Variants in MACF1 observed in about 807,000 individuals in gnomAD.
The protein encoded by MACF1 is microtubule actin crosslinking factor 1, also known as microtubule-actin cross-linking factor 1.
MACF1 carries 193 observed loss-of-function variants against 854.8 expected under a neutral mutation model. The observed-to-expected ratio is 0.23, with a 90% CI of 0.20 to 0.25. The LOEUF (loss-of-function observed/expected upper bound fraction) is 0.25. Among genes scored for constraint, MACF1 ranks in the 10% least tolerant of loss-of-function variants. The pLI, the probability that MACF1 is intolerant of heterozygous loss-of-function variation, is 1.00. For missense variants in MACF1, 7,722 were observed against 8,929.1 expected (o/e 0.86, Z 5.45); for synonymous variants, 3,185 against 3,226.7 (o/e 0.99, Z 0.44).
intron 89 of MACF1, among the ~76,000 whole-genome samples, chr1:39,455,932 T>C (rs1301368213): frequency 2.0e-5 from 3 of 152,258 alleles, no homozygotes; most frequent in African/African-American, 7.2e-5. Flanking sequence ...CTTTTTAGTT[T>C]ATATAAACAA....
chr1:39,430,980 C>G lies in MACF1; in HGVS notation c.17337+72C>G. On this transcript the variant is annotated intron_variant, in intron 66 of 100. Coordinates refer to ENST00000564288, the MANE Select transcript of MACF1 (RefSeq NM_001394062.1). ...GTGTGAGATACAGTACTATGACCCA[C>G]ATAAATACAGACTCAGAAATAAGAA... The G allele has an allele frequency of 2.3e-6, 3 of 1,309,162 alleles. No individual in the cohort carries two copies. In the South Asian group the frequency reaches 3.6e-5, roughly 16 times the overall value. 81.1% of individuals were successfully genotyped at this position (1,309,162 alleles called of 1,614,324 possible).
intron 40 of MACF1, among the ~76,000 whole-genome samples, chr1:39,346,053 A>G (rs1020679768): frequency 6.1e-5 from 9 of 146,548 alleles, no homozygotes; most frequent in Middle Eastern, 3.5e-3. Flanking sequence ...TGGGCAACAG[A>G]GCAAGACTCT....
chr1:39,388,627 A>G lies in MACF1; in HGVS notation c.15785A>G (p.Glu5262Gly), dbSNP rs762775381. The G allele has an allele frequency of 1.3e-6, 2 of 1,581,972 alleles. No homozygotes were observed. The highest frequency in any genetic ancestry group is 1.2e-5 in the South Asian group (1 of 86,840). Residue 5262 changes from glutamate (E) to glycine (G), a missense_variant, in exon 58 of 101, where the codon GAA (glutamate) becomes GGA (glycine). Transcript: ENST00000564288. The part of the protein sequence containing the change: ...ALQWVVGTEV[E>G]IINQQLADFK... ...CAGTGGGTAGTGGGGACCGAAGTGG[A>G]AATCATCAACCAACAATTAGCAGAT...
At chr1:39,389,469 C>T (rs1641947852) in intron 58 of MACF1, among the ~76,000 whole-genome samples, 1 of 149,580 alleles carries the variant, frequency 6.7e-6, no homozygotes, top group African/African-American at 2.5e-5. Flanking sequence ...AAGTGATCCT[C>T]CTGCCTCAGC....
At position 39,254,313 on chromosome 1, in the gene MACF1, A is replaced by G; in HGVS notation, c.373A>G (p.Arg125Gly). 6.2e-7 allele frequency: 1 copy of G among 1,614,176 alleles called. No individual in the cohort carries two copies. The highest frequency in any genetic ancestry group is 8.5e-7 in the Non-Finnish European group (1 of 1,180,000). Reference protein sequence around the residue: ...DDDDVPREKGRMRFHRLQNVQ... With the variant: ...DDDDVPREKGGMRFHRLQNVQ... ...TTGTTTGCAGCCCCGGGAGAAGGGC[A>G]GGATGCGTTTTCATAGGCTGCAGAA... Residue 125 changes from arginine to glycine, a missense_variant, in exon 5 of 101, where the codon AGG becomes GGG. Arg to Gly is a moderately radical substitution (Grantham distance 125, BLOSUM62 -2). Coordinates refer to ENST00000564288, the MANE Select transcript of MACF1 (RefSeq NM_001394062.1).
chr1:39,274,145 T>G (rs982114468), intron 6 of MACF1, among the ~76,000 whole-genome samples: 1 of 152,110 alleles, frequency 6.6e-6, no homozygotes, highest in Non-Finnish European at 1.5e-5. Flanking sequence ...TAGGGACTTA[T>G]TATACTATTC....
At chr1:39,104,874 ATC>A (rs1043475720) in intron 2 of MACF1, among the ~76,000 whole-genome samples, 2 of 152,078 alleles carry the variant, frequency 1.3e-5, no homozygotes, top group Non-Finnish European at 2.9e-5. Context: ...TAGCCCTGGG[ATC>A]TGAGGCATCG....
At chr1:39,244,096 A>T (rs957644808) in intron 2 of MACF1, among the ~76,000 whole-genome samples, 2 of 151,004 alleles carry the variant, frequency 1.3e-5, no homozygotes, top group Admixed American at 6.6e-5. Flanking sequence ...TTATTTATTT[A>T]TTTTTTATTA....
chr1:39,133,188 G>C (rs572002971), intron 2 of MACF1, among the ~76,000 whole-genome samples: 1 of 152,166 alleles, frequency 6.6e-6, no homozygotes, highest in Admixed American at 6.5e-5. Flanking sequence ...CTCACTAGCC[G>C]ACTTGGCTGC....
chr1:39,150,030 C>CT (rs560369211), intron 2 of MACF1, among the ~76,000 whole-genome samples: 275 of 146,308 alleles, frequency 1.9e-3, no homozygotes, highest in Middle Eastern at 7.2e-3. Flanking sequence ...ATATCATGAA[C>CT]TTTTTTTTTT....
At chr1:39,225,434 T>G (rs2148296261) in intron 1 of MACF1, among the ~76,000 whole-genome samples, 1 of 151,946 alleles carries the variant, frequency 6.6e-6, no homozygotes, top group South Asian at 2.1e-4. Context: ...GCCAGGATGG[T>G]CTCGATCTCC....
Position 39,285,324 on chromosome 1 carries a change from C to T in MACF1, c.1287C>T (p.Asn429=). The change falls in exon 13 of 101, where the codon AAC becomes AAT. Residue 429 remains asparagine (N), a synonymous_variant. Transcript: ENST00000564288. ...ERLELLLQIA[N]KIQNGALNCE... ...TGGAATTGCTGCTACAGATTGCAAA[C>T]AAAATCCAGAATGGTGCTTTGAACT... is the stretch of plus-strand genomic sequence containing the variant. 6.2e-7 allele frequency: 1 copy of T among 1,614,128 alleles called. No individual in the cohort carries two copies. The highest frequency in any genetic ancestry group is 8.5e-7 in the Non-Finnish European group (1 of 1,180,016).
rs765867887 is a variant in MACF1 at position 39,337,248 on chromosome 1, C to T, written c.10132C>T (p.Arg3378Trp). The change falls in exon 38 of 101, where the codon CGG becomes TGG. Residue 3378 changes from arginine (R) to tryptophan (W), a missense_variant. Arg to Trp is a moderately radical substitution (Grantham distance 101). This residue lies in a region of MACF1 where 854 missense variants were observed against 852.6 expected (regional missense o/e 1.00). Coordinates refer to ENST00000564288, the MANE Select transcript of MACF1 (RefSeq NM_001394062.1). The stretch of plus-strand genomic sequence containing the variant: ...GCTAGTATCCTATCTGTCTCTGTTA[C>T]GGAACATTGAAATGAGGACCAAACA... ...EKLVSYLSLL[R>W]NIEMRTKQIQ... 1.9e-5 allele frequency: 31 copies of T among 1,613,894 alleles called. No individual in the cohort carries two copies. Among genetic ancestry groups the T allele is most frequent in the East Asian group, 6.7e-5 (3 of 44,884 alleles).
At position 39,334,050 on chromosome 1, in the gene MACF1, C is replaced by G; in HGVS notation, c.7462C>G (p.Leu2488Val). ...AGTTGTGCAGTCCATTGACAGAGGT[C>G]TTTTGGAGAGAGAGGAGGCCGTTCG... is the stretch of plus-strand genomic sequence containing the variant. ...LTVVQSIDRG[L>V]LEREEAVRLL... is the part of the protein sequence containing the mutation. Residue 2488 changes from leucine to valine, a missense_variant, in exon 37 of 101, where the codon CTT becomes GTT. Physicochemically the swap from Leu to Val is conservative, Grantham distance 32. This residue lies in a region of MACF1 where 1,531 missense variants were observed against 1,601.6 expected (regional missense o/e 0.96). Transcript: ENST00000564288. 1.2e-6 allele frequency: 2 copies of G among 1,614,110 alleles called. No homozygotes were observed. The highest frequency in any genetic ancestry group is 1.7e-6 in the Non-Finnish European group (2 of 1,180,010).
intron 85 of MACF1, 62 bp from the exon 86 acceptor site, chr1:39,452,094 C>T: frequency 7.6e-7 from 1 of 1,324,270 alleles, no homozygotes; most frequent in Non-Finnish European, 1.0e-6. Flanking sequence ...TATTATTTCC[C>T]AGTGGTTTCT....
chr1:39,128,896 T>C (rs866527524), intron 2 of MACF1, among the ~76,000 whole-genome samples: 16 of 152,218 alleles, frequency 1.1e-4, no homozygotes, highest in African/African-American at 3.9e-4. Context: ...CAGTTGACCA[T>C]GAAATGCCGT....
Position 39,353,048 on chromosome 1 carries a change from C to T in MACF1, c.11241C>T (p.Ile3747=), listed in dbSNP as rs760280713. ...AACTGGCAGAGAACAAGAAGAAGAT[C>T]GATGCTCTCCTGGATTGGGTAACTT... ...AKELAENKKK[I]DALLDWVTSV... The change falls in exon 44 of 101, where the codon ATC becomes ATT. Residue 3747 remains isoleucine, a synonymous_variant. Coordinates refer to ENST00000564288, the MANE Select transcript of MACF1 (RefSeq NM_001394062.1). 2 of 1,613,954 alleles carry T rather than the reference C, an allele frequency of 1.2e-6. No homozygotes were observed. The highest frequency in any genetic ancestry group is 4.5e-5 in the East Asian group (2 of 44,864).
intron 80 of MACF1, among the ~76,000 whole-genome samples, chr1:39,446,952 A>T (rs1294644216): frequency 6.6e-6 from 1 of 152,210 alleles, no homozygotes; most frequent in African/African-American, 2.4e-5. Flanking sequence ...TTCATATGCC[A>T]TATTTTCTGA....
At position 39,444,795 on chromosome 1, in the gene MACF1, A is replaced by G. The variant is rs954387150; in HGVS notation, c.19565A>G (p.Gln6522Arg). 2 of 1,613,410 alleles carry G rather than the reference A, an allele frequency of 1.2e-6. No individual in the cohort carries two copies. Among genetic ancestry groups the G allele is most frequent in the Admixed American group, 1.7e-5 (1 of 59,962 alleles). The part of the protein sequence containing the change: ...KTEQSVALLE[Q>R]KWHVVSSKME... ...GAACAGAGTGTAGCACTTTTGGAGC[A>G]GAAGTGGCATGTGGTCAGCAGTAAG... is the stretch of plus-strand genomic sequence containing the variant. Residue 6522 changes from glutamine (Q) to arginine (R), a missense_variant, in exon 80 of 101, where the codon CAG becomes CGG. Gln to Arg is a conservative substitution (Grantham distance 43, BLOSUM62 1). Transcript: ENST00000564288.
Sources: gnomAD v4.1 joint callset for allele counts (sites outside exome capture counted in the v4.1 genomes callset) on GRCh38, gnomAD v4.1.1 for gene constraint, gnomAD v4.1.1 regional missense constraint, MANE v1.5 for transcripts, NCBI Gene and HGNC (gene_info 2026-07-23, HGNC 2026-07-21) for gene names.